The following CHST8 variants were observed in gnomAD, a reference collection of about 807,000 sequenced individuals.
CHST8 encodes GALNAC-4-ST1.
Under a neutral mutation model 15.0 loss-of-function variants are expected in CHST8, and 10 were observed. That is an observed-to-expected ratio of 0.67 (90% CI 0.41 to 1.13). The LOEUF is 1.13. Among genes scored for constraint, CHST8 ranks in the 50% most tolerant of loss-of-function variants. The pLI is 0.00. For synonymous variants in CHST8, 259 were observed against 256.6 expected, an observed-to-expected ratio of 1.01 and a Z score of -0.09; for missense variants, 634 against 608.2, an observed-to-expected ratio of 1.04 and a Z score of -0.45.
rs1599562778 is a variant in CHST8 at position 33,698,079 on chromosome 19, C to G, written c.130+8688C>G. Reference sequence around the variant, plus strand: ...ATCACCTGAGGTCAGGAGTTAGAGACCAGCCTGGGCAACATGGCAAAACCC... The same window carrying G: ...ATCACCTGAGGTCAGGAGTTAGAGAGCAGCCTGGGCAACATGGCAAAACCC... On this transcript the variant is annotated intron_variant, in intron 3 of 4. Coordinates refer to ENST00000650847, the MANE Select transcript of CHST8 (RefSeq NM_001127895.2). Among the ~76,000 whole-genome samples, 5 of 152,230 alleles carry G rather than the reference C, an allele frequency of 3.3e-5. No homozygotes were observed. In the South Asian group the frequency reaches 1.0e-3, roughly 32 times the overall value.
rs535375341 is a variant in CHST8 at position 33,724,077 on chromosome 19, C to T, written c.130+34686C>T. 2.0e-5 allele frequency among the ~76,000 whole-genome samples: 3 copies of T among 152,298 alleles called. No homozygotes were observed. The East Asian group carries it at 5.8e-4, about 29-fold the overall frequency. ...CGTCTCAGGCACTAAGAGGCTCAGC[C>T]TGCAGGCACCGGGCCTGGCTCCTCG... On this transcript the variant is annotated intron_variant, in intron 3 of 4. Coordinates refer to ENST00000650847, the MANE Select transcript of CHST8 (RefSeq NM_001127895.2).
intron 2 of CHST8, among the ~76,000 whole-genome samples, chr19:33,673,063 G>T (rs1972762255): frequency 6.6e-6 from 1 of 152,218 alleles, no homozygotes; most frequent in African/African-American, 2.4e-5. Flanking sequence ...TATATAGCCA[G>T]AAGGAGTAGG....
At chr19:33,770,078 G>A (rs747578863) in intron 3 of CHST8, among the ~76,000 whole-genome samples, 5 of 152,168 alleles carry the variant, frequency 3.3e-5, no homozygotes, top group African/African-American at 2.4e-5. Flanking sequence ...CACGGCCTCA[G>A]CCTTACATTG....
Position 33,706,233 on chromosome 19 carries a change from C to T in CHST8, c.130+16842C>T, listed in dbSNP as rs114400565. ...CTGGGTTAGAGGTTGGGGAGCTGCACGGCACTGCCCTTCAGACTGTCAGGG... is the reference window on the plus strand; with the variant it reads ...CTGGGTTAGAGGTTGGGGAGCTGCATGGCACTGCCCTTCAGACTGTCAGGG... On this transcript the variant is annotated intron_variant, in intron 3 of 4. Transcript: ENST00000650847. Among the ~76,000 whole-genome samples the T allele has an allele frequency of 9.7e-3, 1,472 of 152,276 alleles. 21 individuals carry two copies. Among genetic ancestry groups the T allele is most frequent in the African/African-American group, 0.033 (1,381 of 41,562 alleles).
intron 1 of CHST8, among the ~76,000 whole-genome samples, chr19:33,628,723 C>T (rs1479954033): frequency 6.6e-6 from 1 of 152,222 alleles, no homozygotes; most frequent in Non-Finnish European, 1.5e-5. Flanking sequence ...CTCAGCACAC[C>T]ATTCACGCCA....
chr19:33,767,336 T>C (rs1033023441), intron 3 of CHST8, among the ~76,000 whole-genome samples: 5 of 152,186 alleles, frequency 3.3e-5, no homozygotes, highest in African/African-American at 1.2e-4. Flanking sequence ...CCTGTGAGCC[T>C]AGAGAGGAGC....
At chr19:33,698,591 T>A (rs567064347) in intron 3 of CHST8, among the ~76,000 whole-genome samples, 1 of 150,954 alleles carries the variant, frequency 6.6e-6, no homozygotes, top group South Asian at 2.1e-4. Flanking sequence ...GCAGTGGTCT[T>A]GGTTCAGGGG....
chr19:33,649,736 C>A (rs963031054), intron 1 of CHST8, among the ~76,000 whole-genome samples: 3 of 152,124 alleles, frequency 2.0e-5, no homozygotes, highest in African/African-American at 7.2e-5. Flanking sequence ...TGTAAACCGG[C>A]CAGAACCAGG....
At chr19:33,747,546 A>G (rs1028144808) in intron 3 of CHST8, among the ~76,000 whole-genome samples, 2 of 151,850 alleles carry the variant, frequency 1.3e-5, no homozygotes, top group Non-Finnish European at 2.9e-5. Context: ...ATATAGACAT[A>G]TGCCACACAC....
intron 3 of CHST8, among the ~76,000 whole-genome samples, chr19:33,767,350 C>A (rs1228132265): frequency 2.6e-5 from 4 of 152,234 alleles, no homozygotes; most frequent in Non-Finnish European, 2.9e-5. Context: ...GAGGAGCGGG[C>A]AAGAGACCCT....
At chr19:33,680,381 C>T (rs1972870844) in intron 2 of CHST8, among the ~76,000 whole-genome samples, 2 of 152,160 alleles carry the variant, frequency 1.3e-5, no homozygotes, top group Non-Finnish European at 2.9e-5. Flanking sequence ...GGAAAAAGCC[C>T]AGCAAGGCAA....
rs150556825 is a variant in CHST8 at position 33,657,904 on chromosome 19, G to A, written c.-163-9863G>A. Among the ~76,000 whole-genome samples the A allele has an allele frequency of 3.4e-4, 52 of 152,252 alleles. 1 individual carries two copies. In the East Asian group the frequency reaches 9.5e-3, roughly 28 times the overall value. ...TACTTAACTATAAATTTTTTAGCAA[G>A]TCTAAAGTTATTATCTCTGTTATCC... On this transcript the variant is annotated intron_variant, in intron 1 of 4. Coordinates refer to ENST00000650847, the MANE Select transcript of CHST8 (RefSeq NM_001127895.2).
chr19:33,657,640 G>A (rs546386649), intron 1 of CHST8, among the ~76,000 whole-genome samples: 1 of 151,932 alleles, frequency 6.6e-6, no homozygotes, highest in South Asian at 2.1e-4. Context: ...TGCAATCATA[G>A]CTCACTGCAT....
intron 2 of CHST8, among the ~76,000 whole-genome samples, chr19:33,684,183 C>A (rs896161475): frequency 8.5e-5 from 13 of 152,194 alleles, no homozygotes; most frequent in Non-Finnish European, 1.5e-5. Context: ...TGGTGGCAAG[C>A]TTTAGGACCT....
intron 2 of CHST8, among the ~76,000 whole-genome samples, chr19:33,676,873 A>G (rs969896639): frequency 1.3e-5 from 2 of 149,442 alleles, no homozygotes; most frequent in Non-Finnish European, 2.9e-5. Context: ...CGAGACCCAG[A>G]CTCTTAAAAA....
At chr19:33,725,599 C>T (rs748482078) in intron 3 of CHST8, among the ~76,000 whole-genome samples, 142 of 152,284 alleles carry the variant, frequency 9.3e-4, no homozygotes, top group Middle Eastern at 3.4e-3. Flanking sequence ...CCAAATGCGA[C>T]GCAAGCGAAA....
At chr19:33,739,907 C>T (rs190682345) in intron 3 of CHST8, among the ~76,000 whole-genome samples, 272 of 152,218 alleles carry the variant, frequency 1.8e-3, no homozygotes, top group Middle Eastern at 6.8e-3. Flanking sequence ...TCCTGGTGAG[C>T]GGTGCCTCCT....
intron 2 of CHST8, among the ~76,000 whole-genome samples, chr19:33,675,328 C>T (rs1284513669): frequency 6.6e-6 from 1 of 152,172 alleles, no homozygotes; most frequent in Non-Finnish European, 1.5e-5. Flanking sequence ...TTCTACTGGA[C>T]ATAATGAGGA....
chr19:33,639,590 G>A (rs963120051), intron 1 of CHST8, among the ~76,000 whole-genome samples: 4 of 152,188 alleles, frequency 2.6e-5, no homozygotes, highest in African/African-American at 9.6e-5. Flanking sequence ...CCTGGGGAAT[G>A]TGGGGTTAGG....
Sources: allele counts gnomAD v4.1 joint callset (sites outside exome capture counted in the v4.1 genomes callset), GRCh38; gene constraint gnomAD v4.1.1; transcripts MANE v1.5; gene names NCBI Gene and HGNC (gene_info 2026-07-23, HGNC 2026-07-21).